Variants in LY6S observed in about 807,000 individuals in gnomAD.
The protein encoded by LY6S is lymphocyte antigen 6S.
chr8:143,056,481 C>A, the LY6S span, among the ~76,000 whole-genome samples: 2 of 151,982 alleles, frequency 1.3e-5, no homozygotes, highest in Non-Finnish European at 2.9e-5. Context: ...GTATGCTTAA[C>A]AACAAAATAA....
chr8:143,043,158 A>G, the LY6S span: 17 of 1,367,484 alleles, frequency 1.2e-5, no homozygotes, highest in Non-Finnish European at 1.7e-5. Context: ...CCCCAGGCTG[A>G]GCAGGAGCTG....
chr8:143,055,028 A>C, the LY6S span, among the ~76,000 whole-genome samples: 1 of 152,216 alleles, frequency 6.6e-6, no homozygotes, highest in Non-Finnish European at 1.5e-5. Flanking sequence ...CAATCAGCCC[A>C]GTTTGGTCGT....
At chr8:143,046,753 C>A in the LY6S span, among the ~76,000 whole-genome samples, 2 of 152,004 alleles carry the variant, frequency 1.3e-5, no homozygotes, top group Admixed American at 6.6e-5. Context: ...ACCTCTAATA[C>A]CTTTGGGAGA....
At chr8:143,059,166 T>G in the LY6S span, among the ~76,000 whole-genome samples, 1 of 152,184 alleles carries the variant, frequency 6.6e-6, no homozygotes, top group East Asian at 1.9e-4. Context: ...AGTGCAGGGA[T>G]TACAGTCATG....
chr8:143,056,785 C>T, the LY6S span, among the ~76,000 whole-genome samples: 1 of 152,096 alleles, frequency 6.6e-6, no homozygotes, highest in Non-Finnish European at 1.5e-5. Context: ...ACAAAATGCT[C>T]GTTTAATTTT....
chr8:143,050,372 G>T, the LY6S span, among the ~76,000 whole-genome samples: 8 of 151,980 alleles, frequency 5.3e-5, no homozygotes, highest in Admixed American at 3.9e-4. Flanking sequence ...GTAGACGCGG[G>T]GTTTCACCAT....
At chr8:143,047,320 T>C in the LY6S span, among the ~76,000 whole-genome samples, 2 of 151,898 alleles carry the variant, frequency 1.3e-5, no homozygotes, top group Non-Finnish European at 2.9e-5. Context: ...TTTTCTTTTG[T>C]ATTTTTAGTA....
chr8:143,064,476 A>G, the LY6S span, among the ~76,000 whole-genome samples: 2 of 152,212 alleles, frequency 1.3e-5, no homozygotes, highest in Non-Finnish European at 2.9e-5. Flanking sequence ...ATATTAGTAA[A>G]TCATCCACAT....
chr8:143,051,423 C>T, the LY6S span, among the ~76,000 whole-genome samples: 2 of 151,816 alleles, frequency 1.3e-5, no homozygotes, highest in Non-Finnish European at 2.9e-5. Context: ...CACCCGTAAT[C>T]CCAGCTACTC....
At chr8:143,045,576 G>C in the LY6S span, among the ~76,000 whole-genome samples, 1 of 151,296 alleles carries the variant, frequency 6.6e-6, no homozygotes, top group East Asian at 1.9e-4. This position sits in a 1 kb window ranked among gnomAD's most constrained non-coding sequence, Gnocchi z 5.3. Context: ...TTCTCACCCA[G>C]AGCCCCATGG....
chr8:143,072,054 C>G, the LY6S span, among the ~76,000 whole-genome samples: 1 of 152,196 alleles, frequency 6.6e-6, no homozygotes, highest in Admixed American at 6.5e-5. Flanking sequence ...AGCAATTCCT[C>G]TCAGCTTTTA....
At chr8:143,050,448 T>C in the LY6S span, among the ~76,000 whole-genome samples, 2,410 of 152,140 alleles carry the variant, frequency 0.016, 56 homozygotes, top group African/African-American at 0.056. Context: ...CCTAAAGTGC[T>C]GGGATTACAG....
chr8:143,072,751 C>T, the LY6S span, among the ~76,000 whole-genome samples: 2 of 137,028 alleles, frequency 1.5e-5, no homozygotes, highest in Non-Finnish European at 3.1e-5. Context: ...AGCCGTCGTC[C>T]TCGGGGTTCC....
chr8:143,044,524 C>T, the LY6S span: 225 of 359,014 alleles, frequency 6.3e-4, no homozygotes, highest in African/African-American at 4.4e-3. Context: ...AGGTCCTGCC[C>T]GCCATGCCCA....
chr8:143,059,806 G>A, the LY6S span: 2 of 152,156 alleles, frequency 1.3e-5, no homozygotes, highest in African/African-American at 4.8e-5. Context: ...ATGGAATAGA[G>A]GTAGGTAAAT....
chr8:143,059,689 A>C, the LY6S span: 1 of 151,622 alleles, frequency 6.6e-6, no homozygotes, highest in Non-Finnish European at 1.5e-5. Flanking sequence ...CTGGTCTTGA[A>C]CTCCTGAGCT....
At chr8:143,066,167 C>CTTTTCTTTTCTTTTT in the LY6S span, 1 of 320,382 alleles carries the variant, frequency 3.1e-6, no homozygotes, top group Non-Finnish European at 5.9e-6. Flanking sequence ...CTTTTCTTTT[C>CTTTTCTTTTCTTTTT]TTTTCTTTTC....
chr8:143,043,206 AC>A, the LY6S span: 2 of 1,367,616 alleles, frequency 1.5e-6, no homozygotes, highest in Non-Finnish European at 2.0e-6. Flanking sequence ...TGCCAGGACC[AC>A]CGCATTGCAG....
the LY6S span, among the ~76,000 whole-genome samples, chr8:143,069,543 C>T: frequency 1.3e-5 from 2 of 152,186 alleles, no homozygotes; most frequent in African/African-American, 2.4e-5. Flanking sequence ...ATTAACAGCC[C>T]GGCCATAGTT....
Sources: gnomAD v4.1 joint callset for allele counts (sites outside exome capture counted in the v4.1 genomes callset) on GRCh38, gnomAD v4.1.1 for gene constraint, Gnocchi (gnomAD v3.1) non-coding constraint, MANE v1.5 for transcripts, NCBI Gene and HGNC (gene_info 2026-07-23, HGNC 2026-07-21) for gene names.